Variants in SLC3A2 observed in about 807,000 individuals in gnomAD.
SLC3A2 encodes amino acid transporter heavy chain SLC3A2.
SLC3A2 carries 32 observed loss-of-function variants against 48.5 expected under a neutral mutation model. The ratio of observed to expected loss-of-function variants is 0.66; its 90% CI spans 0.50 to 0.89. The LOEUF (loss-of-function observed/expected upper bound fraction) is 0.89, where lower values mean the gene tolerates loss of function less well. Among genes scored for constraint, SLC3A2 ranks in the 40% least tolerant of loss-of-function variants. SLC3A2 has a pLI of 0.00. For missense variants in SLC3A2, 587 were observed against 680.7 expected (o/e 0.86, Z 1.53); for synonymous variants, 277 against 288.8 (o/e 0.96, Z 0.41).
chr11:62,871,459 C>T (rs1461590026), intron 1 of SLC3A2: 4 of 371,294 alleles, frequency 1.1e-5, no homozygotes, highest in African/African-American at 2.1e-5. Context: ...AGCCTGGTCT[C>T]GAACTCCTGA....
At chr11:62,887,940 G>A (rs1206540234) in intron 7 of SLC3A2, 195 bp from the exon 8 acceptor site, 3 of 533,496 alleles carry the variant, frequency 5.6e-6, no homozygotes, top group South Asian at 2.1e-5. Flanking sequence ...CTATAGGGAT[G>A]TAACACTACA....
chr11:62,877,964 C>T (rs1470920528), upstream of SLC3A2, among the ~76,000 whole-genome samples: 2 of 152,184 alleles, frequency 1.3e-5, no homozygotes, highest in Non-Finnish European at 2.9e-5. Flanking sequence ...CAAGACCAGC[C>T]TGGCCAACAT....
At chr11:62,866,496 AGCTACTCTC>A (rs1351941255) in intron 1 of SLC3A2, among the ~76,000 whole-genome samples, 1 of 151,726 alleles carries the variant, frequency 6.6e-6, no homozygotes, top group Non-Finnish European at 1.5e-5. Context: ...CCTGGGTCCA[AGCTACTCTC>A]GTGCCTCAGC....
chr11:62,873,062 C>A (rs1412409329), intron 1 of SLC3A2, among the ~76,000 whole-genome samples: 2 of 151,870 alleles, frequency 1.3e-5, no homozygotes, highest in Non-Finnish European at 2.9e-5. Context: ...CGCTCTGTGG[C>A]CTTGGCTGGA....
intron 1 of SLC3A2, among the ~76,000 whole-genome samples, chr11:62,858,834 T>C (rs2085366639): frequency 6.6e-6 from 1 of 152,214 alleles, no homozygotes; most frequent in East Asian, 1.9e-4. Flanking sequence ...CTTTTAGATA[T>C]GCATACACAT....
Position 62,881,784 on chromosome 11 carries a change from C to A in SLC3A2, c.425-109C>A. On this transcript the variant is annotated intron_variant, in intron 1 of 8. Transcript: ENST00000338663. The surrounding 1 kb of genome is among the most constrained non-coding windows in gnomAD (Gnocchi z 4.0). ...GTGATTCAGCCTTGCCTCCCTCTCTCCCCCTTTGCCCCCTCCCCGTCCCAC... is the reference window on the plus strand; with the variant it reads ...GTGATTCAGCCTTGCCTCCCTCTCTACCCCTTTGCCCCCTCCCCGTCCCAC... 7.9e-7 allele frequency: 1 copy of A among 1,264,880 alleles called. No individual in the cohort carries two copies. 78.4% of individuals were successfully genotyped at this position (1,264,880 alleles called of 1,614,324 possible).
chr11:62,880,858 C>T, upstream of SLC3A2: 6 of 1,391,906 alleles, frequency 4.3e-6, 1 homozygote, highest in South Asian at 7.8e-5. Context: ...GGGCGGGGCT[C>T]CGCTGCCCCT....
At chr11:62,866,414 G>C (rs761022216) in intron 1 of SLC3A2, among the ~76,000 whole-genome samples, 1 of 151,390 alleles carries the variant, frequency 6.6e-6, no homozygotes, top group African/African-American at 2.4e-5. Context: ...TTGGCAGGTG[G>C]GGGGGTGGTC....
chr11:62,874,094 G>A (rs906073351), intron 1 of SLC3A2, among the ~76,000 whole-genome samples: 3 of 141,946 alleles, frequency 2.1e-5, no homozygotes, highest in African/African-American at 5.2e-5. Flanking sequence ...TGCAGGCTGC[G>A]CTTAGTGATT....
At chr11:62,875,431 T>C (rs910674464) in intron 1 of SLC3A2, among the ~76,000 whole-genome samples, 1 of 152,094 alleles carries the variant, frequency 6.6e-6, no homozygotes, top group Admixed American at 6.6e-5. Context: ...GGTGGGCACC[T>C]GGAGTCCGCA....
intron 2 of SLC3A2, chr11:62,882,366 G>C: frequency 2.9e-6 from 1 of 348,286 alleles, no homozygotes; most frequent in South Asian, 3.5e-5. Context: ...TTTTTTTGGG[G>C]GGGGGGAATC....
At chr11:62,858,358 T>C (rs983844592) in intron 1 of SLC3A2, among the ~76,000 whole-genome samples, 4 of 152,178 alleles carry the variant, frequency 2.6e-5, no homozygotes, top group African/African-American at 7.2e-5. Context: ...TGTGATCAGA[T>C]AGTCAGTTTT....
In SLC3A2 at chr11:62,881,568, GT is replaced by G; in HGVS notation, c.424+123del. The G allele has an allele frequency of 3.0e-6, 4 of 1,339,468 alleles. No homozygotes were observed. Among genetic ancestry groups the G allele is most frequent in the Non-Finnish European group, 4.0e-6 (4 of 1,010,530 alleles). 83.0% of individuals were successfully genotyped at this position (1,339,468 alleles called of 1,614,324 possible). ...TTCCCTCCATCCCGTACCGACGACTGTTCCCCCTTCCCCCACCCCCTCCCCG... is the reference window on the plus strand; with the variant it reads ...TTCCCTCCATCCCGTACCGACGACTGTCCCCCTTCCCCCACCCCCTCCCCG... On this transcript the variant is annotated intron_variant, in intron 1 of 8. Coordinates refer to ENST00000338663, the MANE Select transcript of SLC3A2 (RefSeq NM_001013251.3). The surrounding 1 kb of genome is among the most constrained non-coding windows in gnomAD (Gnocchi z 4.0).
At chr11:62,884,746 A>C in intron 5 of SLC3A2, 56 bp downstream of exon 5, 3 of 1,255,992 alleles carry the variant, frequency 2.4e-6, no homozygotes, top group Non-Finnish European at 3.1e-6. Context: ...CCCTCAGTGG[A>C]GTGCTAGGCC....
At chr11:62,875,047 G>A (rs2085557079) in intron 1 of SLC3A2, among the ~76,000 whole-genome samples, 1 of 152,160 alleles carries the variant, frequency 6.6e-6, no homozygotes, top group African/African-American at 2.4e-5. Context: ...ACAGGCATGA[G>A]CCACCACACT....
intron 2 of SLC3A2, 52 bp downstream of exon 2, chr11:62,882,118 G>T (rs749465296): frequency 2.5e-6 from 4 of 1,603,158 alleles, no homozygotes; most frequent in Non-Finnish European, 3.4e-6. Flanking sequence ...TTGGCCAGAG[G>T]AAAAGTAGGC....
At chr11:62,863,979 T>C (rs1436264045) in intron 1 of SLC3A2, among the ~76,000 whole-genome samples, 2 of 152,172 alleles carry the variant, frequency 1.3e-5, no homozygotes, top group African/African-American at 4.8e-5. Flanking sequence ...TAAGTGTGCA[T>C]TGCATCCTAG....
At position 62,881,306 on chromosome 11, in the gene SLC3A2, A is replaced by T; in HGVS notation, c.283A>T (p.Met95Leu). ...GCTCTTCTGGCTCGGCTGGCTCGGC[A>T]TGCTTGCTGGTGCCGTGGTCATAAT... ...LLLFWLGWLG[M>L]LAGAVVIIVR... The change falls in exon 1 of 9, where the codon ATG (methionine) becomes TTG (leucine). Residue 95 changes from methionine to leucine, a missense_variant. Physicochemically the swap from Met to Leu is conservative, Grantham distance 15. Around this residue, in one of 3 missense-constraint regions of SLC3A2, gnomAD observed 409 missense variants for 446.7 expected, o/e 0.92. Transcript: ENST00000338663. This position sits in a 1 kb window ranked among gnomAD's most constrained non-coding sequence, Gnocchi z 4.0. 4.4e-6 allele frequency: 7 copies of T among 1,578,120 alleles called. No homozygotes were observed. The highest frequency in any genetic ancestry group is 6.0e-6 in the Non-Finnish European group (7 of 1,165,856).
At chr11:62,865,301 C>G (rs927407532) in intron 1 of SLC3A2, among the ~76,000 whole-genome samples, 26 of 151,982 alleles carry the variant, frequency 1.7e-4, no homozygotes, top group Admixed American at 6.6e-4. Context: ...GCCTGTAATC[C>G]CAGCACTTTG....
Sources: allele counts gnomAD v4.1 joint callset (sites outside exome capture counted in the v4.1 genomes callset), GRCh38; gene constraint gnomAD v4.1.1; regional missense constraint gnomAD v4.1.1; non-coding constraint Gnocchi (gnomAD v3.1); transcripts MANE v1.5; gene names NCBI Gene and HGNC (gene_info 2026-07-23, HGNC 2026-07-21).